The following SLIT3 variants were observed in gnomAD, a reference collection of about 807,000 sequenced individuals.
The protein encoded by SLIT3 is slit guidance ligand 3, also known as slit homolog 3 protein.
SLIT3 carries 68 observed loss-of-function variants against 184.0 expected under a neutral mutation model. The observed-to-expected ratio is 0.37, with a 90% CI of 0.30 to 0.45. The LOEUF is 0.45. SLIT3 is among the 20% of genes least tolerant of loss of function. The pLI is 1.00. For synonymous variants in SLIT3, 831 were observed against 828.6 expected (o/e 1.00, Z -0.05); for missense variants, 1,707 against 2,026.0 (o/e 0.84, Z 3.02).
intron 4 of SLIT3, among the ~76,000 whole-genome samples, chr5:168,919,618 T>A (rs910785849): frequency 1.1e-4 from 17 of 151,972 alleles, no homozygotes; most frequent in Admixed American, 5.9e-4. Flanking sequence ...TGTTGTATTG[T>A]AAAATTAGGT....
chr5:169,060,469 GC>G (rs767445387), intron 4 of SLIT3, among the ~76,000 whole-genome samples: 7 of 152,228 alleles, frequency 4.6e-5, no homozygotes, highest in African/African-American at 7.2e-5. Flanking sequence ...GTCTATATCA[GC>G]CCAAATGGAC....
chr5:168,888,207 C>G (rs1241860954), intron 4 of SLIT3, among the ~76,000 whole-genome samples: 1 of 152,214 alleles, frequency 6.6e-6, no homozygotes, highest in Non-Finnish European at 1.5e-5. Context: ...TTGGCCTTAG[C>G]CCAATATGAT....
intron 4 of SLIT3, among the ~76,000 whole-genome samples, chr5:168,892,482 C>T (rs773836790): frequency 2.6e-5 from 4 of 152,078 alleles, no homozygotes; most frequent in Non-Finnish European, 5.9e-5. Flanking sequence ...CTAAGGAGCC[C>T]GATACAAGAC....
intron 4 of SLIT3, among the ~76,000 whole-genome samples, chr5:169,189,207 C>A (rs572787498): frequency 6.6e-6 from 1 of 151,938 alleles, no homozygotes; most frequent in Non-Finnish European, 1.5e-5. Context: ...GATGGGTGCA[C>A]GGAGGGTAGC....
At chr5:169,035,648 A>G (rs977766395) in intron 4 of SLIT3, among the ~76,000 whole-genome samples, 40 of 62,490 alleles carry the variant, frequency 6.4e-4, no homozygotes, top group Non-Finnish European at 4.9e-4. Context: ...CTGCATCTGG[A>G]AAAAAAAAAA....
At chr5:168,894,070 C>T (rs1760570829) in intron 4 of SLIT3, among the ~76,000 whole-genome samples, 1 of 152,150 alleles carries the variant, frequency 6.6e-6, no homozygotes, top group East Asian at 1.9e-4. Flanking sequence ...AAAAAGAAAG[C>T]TCAAATAAAA....
rs767463025 is a variant in SLIT3, at chr5:169,244,734, G to A, written c.312C>T (p.Ala104=). 2 of 1,613,998 alleles carry A rather than the reference G, an allele frequency of 1.2e-6. No homozygotes were observed. Among genetic ancestry groups the A allele is most frequent in the Non-Finnish European group, 8.5e-7 (1 of 1,179,984 alleles). Residue 104 remains alanine (A), a synonymous_variant, in exon 3 of 36, where the codon GCC becomes GCT. Transcript: ENST00000519560. ...DNQVSVIERG[A]FQDLKQLERL... ...GCTCTAGCTGCTTCAGGTCCTGGAA[G>A]GCGCCTCTCTCGATGACGCTGACCT...
chr5:168,842,065 T>C (rs1237576553), intron 6 of SLIT3, among the ~76,000 whole-genome samples: 1 of 152,138 alleles, frequency 6.6e-6, no homozygotes, highest in African/African-American at 2.4e-5. Flanking sequence ...TAAATTGTGA[T>C]TACAGAGAAG....
At chr5:169,157,501 C>T (rs1762348331) in intron 4 of SLIT3, among the ~76,000 whole-genome samples, 1 of 152,134 alleles carries the variant, frequency 6.6e-6, no homozygotes, top group African/African-American at 2.4e-5. Flanking sequence ...TCAGTGGAGG[C>T]CAAGTAGAGA....
At chr5:169,286,860 G>A (rs1767165131) in intron 1 of SLIT3, among the ~76,000 whole-genome samples, 1 of 152,212 alleles carries the variant, frequency 6.6e-6, no homozygotes, top group Non-Finnish European at 1.5e-5. Context: ...AAAGAAAACT[G>A]TAGTGCAGTC....
intron 28 of SLIT3, among the ~76,000 whole-genome samples, chr5:168,695,998 A>G (rs1762053082): frequency 1.3e-5 from 2 of 152,174 alleles, no homozygotes; most frequent in South Asian, 4.1e-4. Flanking sequence ...CTCAAACACC[A>G]CTAGGTCTAC....
chr5:169,174,773 GA>G (rs35271075), intron 4 of SLIT3, among the ~76,000 whole-genome samples: 7 of 146,992 alleles, frequency 4.8e-5, no homozygotes, highest in African/African-American at 7.5e-5. Flanking sequence ...GTGATCAAAA[GA>G]AAAAAAAAAG....
intron 4 of SLIT3, among the ~76,000 whole-genome samples, chr5:168,908,422 C>T (rs1761149351): frequency 1.3e-5 from 2 of 151,970 alleles, no homozygotes. Flanking sequence ...ATGATGTCAC[C>T]CTGTGGGAAT....
intron 4 of SLIT3, among the ~76,000 whole-genome samples, chr5:169,091,382 G>A (rs1759577595): frequency 6.6e-6 from 1 of 152,114 alleles, no homozygotes; most frequent in South Asian, 2.1e-4. Context: ...CATTCAACCT[G>A]TAATTCCTGA....
intron 16 of SLIT3, among the ~76,000 whole-genome samples, chr5:168,754,513 G>A (rs954823844): frequency 3.3e-5 from 5 of 152,112 alleles, no homozygotes; most frequent in African/African-American, 4.8e-5. Flanking sequence ...AGAGAGGTTG[G>A]TTAATGGGGG....
intron 4 of SLIT3, among the ~76,000 whole-genome samples, chr5:169,114,656 T>C (rs964188691): frequency 6.6e-6 from 1 of 152,166 alleles, no homozygotes; most frequent in East Asian, 1.9e-4. Context: ...GGGAGGGCCA[T>C]GAGGAGGGAG....
intron 4 of SLIT3, among the ~76,000 whole-genome samples, chr5:168,921,490 C>T (rs1343773576): frequency 6.6e-6 from 1 of 152,174 alleles, no homozygotes; most frequent in Non-Finnish European, 1.5e-5. Flanking sequence ...TACATCATTG[C>T]ACCAAGTCTT....
chr5:168,801,281 T>G (rs922752719), intron 9 of SLIT3, among the ~76,000 whole-genome samples: 1 of 152,186 alleles, frequency 6.6e-6, no homozygotes, highest in Non-Finnish European at 1.5e-5. Context: ...ACATTCCAGC[T>G]CTCTGGTTCT....
intron 25 of SLIT3, 114 bp from the exon 26 acceptor site, chr5:168,708,214 C>T (rs1762435278): frequency 6.9e-7 from 1 of 1,454,072 alleles, no homozygotes; most frequent in Non-Finnish European, 9.4e-7. Context: ...TTCCCAACTC[C>T]ATGCCCAGAT....
Sources: allele counts gnomAD v4.1 joint callset (sites outside exome capture counted in the v4.1 genomes callset), GRCh38; gene constraint gnomAD v4.1.1; transcripts MANE v1.5; gene names NCBI Gene and HGNC (gene_info 2026-07-23, HGNC 2026-07-21).